The following ZNF804B variants were observed in gnomAD, a reference collection of about 807,000 sequenced individuals.
ZNF804B encodes the protein zinc finger protein 804B, also known as zinc finger 804B.
In ZNF804B, 80 loss-of-function variants were observed where a neutral mutation model predicts 101.4. The observed-to-expected ratio is 0.79, with a 90% CI of 0.66 to 0.95. The LOEUF (loss-of-function observed/expected upper bound fraction) is 0.95. ZNF804B is among the 40% of genes least tolerant of loss of function. The probability of loss-of-function intolerance (pLI) is 0.00; values close to 1 mark genes in which losing one functional copy is unlikely to be tolerated. For synonymous variants in ZNF804B, 622 were observed against 558.8 expected, an observed-to-expected ratio of 1.11 and a Z score of -1.59; for missense variants, 1,673 against 1,561.9, an observed-to-expected ratio of 1.07 and a Z score of -1.20.
intron 2 of ZNF804B, among the ~76,000 whole-genome samples, chr7:89,220,918 A>G (rs1788995510): frequency 6.6e-6 from 1 of 151,938 alleles, no homozygotes; most frequent in South Asian, 2.1e-4. Context: ...TTATCTTTCA[A>G]CATTTTCCTT....
At chr7:89,054,662 G>C (rs1048427918) in intron 1 of ZNF804B, among the ~76,000 whole-genome samples, 5 of 151,946 alleles carry the variant, frequency 3.3e-5, no homozygotes, top group Admixed American at 6.6e-5. Flanking sequence ...TATTTTTCCA[G>C]ATGTCCCAGT....
rs62469518 is a variant in ZNF804B at position 89,335,196 on chromosome 7, T to C, written c.2214T>C (p.Asn738=). 117,215 of 1,613,758 alleles carry C rather than the reference T, an allele frequency of 0.073. 4,775 individuals carry two copies. The highest frequency in any genetic ancestry group is 0.11 in the Middle Eastern group (689 of 6,058). ...SHRFNGNSRG[N]LLCFHKREHH... is the part of the protein sequence containing the mutation. Reference sequence around the variant, plus strand: ...GATTCAATGGTAATAGCAGAGGTAATTTGCTCTGCTTCCATAAAAGAGAAC... The same window carrying C: ...GATTCAATGGTAATAGCAGAGGTAACTTGCTCTGCTTCCATAAAAGAGAAC... Residue 738 remains asparagine, a synonymous_variant, in exon 4 of 4, where the codon AAT becomes AAC. Coordinates refer to ENST00000333190, the MANE Select transcript of ZNF804B (RefSeq NM_181646.5).
At chr7:88,876,261 T>G (rs569715439) in intron 1 of ZNF804B, among the ~76,000 whole-genome samples, 1 of 152,264 alleles carries the variant, frequency 6.6e-6, no homozygotes, top group South Asian at 2.1e-4. Flanking sequence ...TGTTCTCTCT[T>G]GAGCAAATTC....
At chr7:89,141,062 A>C (rs1562895331) in intron 1 of ZNF804B, among the ~76,000 whole-genome samples, 1 of 151,968 alleles carries the variant, frequency 6.6e-6, no homozygotes, top group Non-Finnish European at 1.5e-5. Context: ...AGGAGGGCCA[A>C]AGGAGAGGAG....
At chr7:89,269,891 G>A (rs1208842) in intron 2 of ZNF804B, among the ~76,000 whole-genome samples, 3 of 151,950 alleles carry the variant, frequency 2.0e-5, no homozygotes, top group East Asian at 3.9e-4. Flanking sequence ...CATATCCTTT[G>A]CCCACTTTTT....
At chr7:89,188,476 A>G (rs1234645598) in intron 1 of ZNF804B, among the ~76,000 whole-genome samples, 1 of 152,092 alleles carries the variant, frequency 6.6e-6, no homozygotes, top group African/African-American at 2.4e-5. Context: ...AAGAAATAGG[A>G]AAGTCATAGT....
intron 1 of ZNF804B, among the ~76,000 whole-genome samples, chr7:88,836,746 C>T (rs1791220288): frequency 6.6e-6 from 1 of 151,776 alleles, no homozygotes; most frequent in Non-Finnish European, 1.5e-5. Context: ...CGCTCTTTCC[C>T]AGTATTCTGT....
At chr7:89,074,279 T>C (rs1338219600) in intron 1 of ZNF804B, among the ~76,000 whole-genome samples, 1 of 152,140 alleles carries the variant, frequency 6.6e-6, no homozygotes, top group Non-Finnish European at 1.5e-5. Flanking sequence ...TCCAGGCAAA[T>C]GAAAAAATCA....
chr7:88,851,577 A>G (rs536437552), intron 1 of ZNF804B, among the ~76,000 whole-genome samples: 14 of 152,140 alleles, frequency 9.2e-5, no homozygotes, highest in African/African-American at 3.4e-4. Flanking sequence ...TTTTCCAGAC[A>G]AAGACTAAAT....
intron 1 of ZNF804B, among the ~76,000 whole-genome samples, chr7:89,163,241 G>A (rs541059035): frequency 2.6e-5 from 4 of 152,128 alleles, no homozygotes; most frequent in South Asian, 4.2e-4. Flanking sequence ...TAAAAACCAC[G>A]GATTTTGTAC....
chr7:89,196,148 C>A (rs186134386), intron 1 of ZNF804B, among the ~76,000 whole-genome samples: 2 of 152,234 alleles, frequency 1.3e-5, no homozygotes, highest in Non-Finnish European at 2.9e-5. Context: ...CACCTGACTT[C>A]AAACTATACT....
intron 1 of ZNF804B, among the ~76,000 whole-genome samples, chr7:88,810,033 CAAG>C (rs981013118): frequency 6.6e-6 from 1 of 152,188 alleles, no homozygotes; most frequent in Non-Finnish European, 1.5e-5. Context: ...ACATAGCCAA[CAAG>C]AAGATGATAT....
At chr7:89,150,872 G>A (rs1389749760) in intron 1 of ZNF804B, among the ~76,000 whole-genome samples, 4 of 152,066 alleles carry the variant, frequency 2.6e-5, no homozygotes, top group African/African-American at 9.7e-5. Context: ...CAGATATTGT[G>A]AGGCCTTTAG....
intron 1 of ZNF804B, among the ~76,000 whole-genome samples, chr7:88,982,764 C>G (rs569947008): frequency 1.1e-4 from 17 of 152,114 alleles, no homozygotes; most frequent in African/African-American, 4.1e-4. Context: ...ACCTATATCA[C>G]CCACATTATG....
intron 1 of ZNF804B, among the ~76,000 whole-genome samples, chr7:89,021,772 G>A (rs1007197544): frequency 1.3e-5 from 2 of 152,192 alleles, no homozygotes; most frequent in Non-Finnish European, 2.9e-5. Context: ...TACAGCCCCA[G>A]TGCTGGGGAG....
intron 1 of ZNF804B, among the ~76,000 whole-genome samples, chr7:88,983,429 T>C (rs949391935): frequency 3.9e-5 from 6 of 152,198 alleles, no homozygotes; most frequent in Admixed American, 3.3e-4. Flanking sequence ...TTTGCACTTC[T>C]AGTCAAATTT....
intron 1 of ZNF804B, among the ~76,000 whole-genome samples, chr7:88,845,291 GCA>G (rs1554339266): frequency 0.021 from 2,214 of 106,480 alleles, 31 homozygotes; most frequent in African/African-American, 0.056. Context: ...ACGCGCGCGC[GCA>G]CGCGCGCGCA....
chr7:88,768,848 G>A (rs1216653007), intron 1 of ZNF804B, among the ~76,000 whole-genome samples: 2 of 152,202 alleles, frequency 1.3e-5, no homozygotes, highest in Non-Finnish European at 2.9e-5. Context: ...TATTACATGA[G>A]GATCAAAAAT....
chr7:89,031,247 C>A (rs1177139498), intron 1 of ZNF804B, among the ~76,000 whole-genome samples: 1 of 149,252 alleles, frequency 6.7e-6, no homozygotes, highest in Admixed American at 6.7e-5. Flanking sequence ...AAAAAAAAAA[C>A]CCTGCTCAGA....
Sources: allele counts gnomAD v4.1 joint callset (sites outside exome capture counted in the v4.1 genomes callset), GRCh38; gene constraint gnomAD v4.1.1; transcripts MANE v1.5; gene names NCBI Gene and HGNC (gene_info 2026-07-23, HGNC 2026-07-21).